Variants in RYR1 observed in about 807,000 individuals in gnomAD.
RYR1 encodes central core disease of muscle.
In RYR1, 342 loss-of-function variants were observed where a neutral mutation model predicts 583.5. The observed-to-expected ratio is 0.59, with a 90% CI of 0.54 to 0.64. The LOEUF is 0.64. RYR1 is among the 30% of genes least tolerant of loss of function. The probability of loss-of-function intolerance (pLI) is 0.00; values close to 1 mark genes in which losing one functional copy is unlikely to be tolerated. For missense variants in RYR1, 6,032 were observed against 6,917.2 expected (o/e 0.87, Z 4.54); for synonymous variants, 2,791 against 2,822.5 (o/e 0.99, Z 0.35).
At chr19:38,498,311 G>A (rs538398203) in intron 42 of RYR1, among the ~76,000 whole-genome samples, 1 of 152,238 alleles carries the variant, frequency 6.6e-6, no homozygotes, top group South Asian at 2.1e-4. Flanking sequence ...GGTGTTCACA[G>A]GGTCCCTCTG....
At chr19:38,433,959 C>T (rs925116900) in intron 1 of RYR1, 85 bp downstream of exon 1, 7 of 1,232,122 alleles carry the variant, frequency 5.7e-6, no homozygotes, top group African/African-American at 1.5e-5. Flanking sequence ...CCCTGTCCGG[C>T]TTGCTGGTGG....
chr19:38,534,891 TC>T (rs1020849070), intron 79 of RYR1, 72 bp downstream of exon 79: 1 of 1,505,232 alleles, frequency 6.6e-7, no homozygotes, highest in Admixed American at 1.9e-5. Context: ...GCTCGCCCAT[TC>T]CCTGTGGACC....
At chr19:38,506,575 A>AC in intron 56 of RYR1, 29 bp downstream of exon 56, 1 of 1,609,764 alleles carries the variant, frequency 6.2e-7, no homozygotes, top group African/African-American at 1.3e-5. Context: ...CCCCCACGCT[A>AC]CCCCCGTGGA....
chr19:38,582,253 T>C (rs1444956861), intron 101 of RYR1, among the ~76,000 whole-genome samples: 1 of 151,790 alleles, frequency 6.6e-6, no homozygotes, highest in Non-Finnish European at 1.5e-5. Context: ...CAAAATTAGC[T>C]GGGCATGGTG....
In RYR1 at chr19:38,496,141, G is replaced by A. The variant is rs1403282007; in HGVS notation, c.6549-74G>A. On this transcript the variant is annotated intron_variant, in intron 39 of 105. Transcript: ENST00000359596. The surrounding 1 kb of genome is among the most constrained non-coding windows in gnomAD (Gnocchi z 4.8). ...GAGTGAGAGGGTCAAGAATGCCAAC[G>A]CTGTCACAGTGGTGGCTATGGCCCT... 1.7e-6 allele frequency: 2 copies of A among 1,203,328 alleles called. No individual in the cohort carries two copies. Among genetic ancestry groups the A allele is most frequent in the African/African-American group, 1.5e-5 (1 of 67,016 alleles). The allele number at this position is 1,203,328 out of a possible 1,614,324, so 74.5% of individuals were successfully genotyped here. A position where few individuals can be genotyped will look rare whatever the true frequency, so the allele number is the denominator to read the frequency against.
At chr19:38,482,996 T>G in intron 31 of RYR1, 31 bp from the exon 32 acceptor site, 1 of 1,595,100 alleles carries the variant, frequency 6.3e-7, no homozygotes, top group Non-Finnish European at 8.6e-7. Flanking sequence ...GCCCACCCGT[T>G]TGCTCACCTC....
At position 38,517,651 on chromosome 19, in the gene RYR1, C is replaced by G; in HGVS notation, c.9978C>G (p.Asn3326Lys). The change falls in exon 66 of 106, where the codon AAC (asparagine) becomes AAG (lysine). Residue 3326 changes from asparagine to lysine, a missense_variant. Transcript: ENST00000359596. ...LGNILRIIVN[N>K]LGIDEASWMK... ...ATATCCTGAGAATCATCGTCAACAA[C>G]CTGGGCATTGACGAGGCCTCCTGGA... The G allele has an allele frequency of 6.2e-7, 1 of 1,614,216 alleles. No homozygotes were observed. Among genetic ancestry groups the G allele is most frequent in the Non-Finnish European group, 8.5e-7 (1 of 1,180,042 alleles).
At position 38,553,006 on chromosome 19, in the gene RYR1, T is replaced by C. The variant is rs78487222; in HGVS notation, c.12282+4586T>C. ...AACTGGGAAAAGTGTATTCATTTTA[T>C]TTTTTGAATATATAATTACTCACGA... On this transcript the variant is annotated intron_variant, in intron 89 of 105. Transcript: ENST00000359596. 7.7e-3 allele frequency among the ~76,000 whole-genome samples: 1,167 copies of C among 152,310 alleles called. 29 individuals are homozygous for C. Among genetic ancestry groups the C allele is most frequent in the East Asian group, 0.067 (347 of 5,190 alleles).
At chr19:38,531,760 G>A (rs1971748965) in intron 76 of RYR1, among the ~76,000 whole-genome samples, 2 of 152,012 alleles carry the variant, frequency 1.3e-5, no homozygotes, top group Admixed American at 1.3e-4. Context: ...GGAAAAATTA[G>A]CCAGGTGTGT....
chr19:38,485,952 G>A lies in RYR1; in HGVS notation c.5297G>A (p.Gly1766Glu). 6.2e-7 allele frequency: 1 copy of A among 1,613,692 alleles called. No individual in the cohort carries two copies. ...GHPRHGLPGV[G>E]VTTSLRPPHH... Reference sequence around the variant, plus strand: ...CCCCGGCATGGCCTGCCGGGAGTTGGAGTCACCACTTCGCTGAGGCCCCCG... The same window carrying A: ...CCCCGGCATGGCCTGCCGGGAGTTGAAGTCACCACTTCGCTGAGGCCCCCG... The change falls in exon 34 of 106, where the codon GGA becomes GAA. Residue 1766 changes from glycine to glutamate, a missense_variant. Coordinates refer to ENST00000359596, the MANE Select transcript of RYR1 (RefSeq NM_000540.3).
chr19:38,444,689 A>C lies in RYR1; in HGVS notation c.631+12A>C. ...CCGCTGCGAAGAGGGTGAGGGCCCC[A>C]GACCTCCCCCTAAATGGAGATCCCC... On this transcript the variant is annotated intron_variant, in intron 7 of 105. Transcript: ENST00000359596. This position sits in a 1 kb window ranked among gnomAD's most constrained non-coding sequence, Gnocchi z 5.1. The C allele has an allele frequency of 6.3e-7, 1 of 1,597,682 alleles. No homozygotes were observed. The highest frequency in any genetic ancestry group is 2.3e-5 in the East Asian group (1 of 44,422).
At chr19:38,571,910 A>G (rs1973731007) in intron 94 of RYR1, 109 bp from the exon 95 acceptor site, 3 of 1,516,902 alleles carry the variant, frequency 2.0e-6, no homozygotes, top group Admixed American at 1.7e-5. Context: ...CAGCCACACC[A>G]AGACTGTATC....
chr19:38,477,656 G>T (rs201208061), intron 29 of RYR1, 54 bp from the exon 30 acceptor site: 16 of 1,612,860 alleles, frequency 9.9e-6, no homozygotes, highest in Non-Finnish European at 1.4e-5. Context: ...GTCCCAGGGA[G>T]CCCGAGTCCC....
chr19:38,512,123 T>G lies in RYR1; in HGVS notation c.9224T>G (p.Leu3075Arg). 1 of 1,614,164 alleles carries G rather than the reference T, an allele frequency of 6.2e-7. No homozygotes were observed. The highest frequency in any genetic ancestry group is 1.1e-5 in the South Asian group (1 of 91,078). The change falls in exon 62 of 106, where the codon CTG (leucine) becomes CGG (arginine). Residue 3075 changes from leucine (L) to arginine (R), a missense_variant. Physicochemically the swap from Leu to Arg is moderately radical, Grantham distance 102 (BLOSUM62 -2). This residue lies in a region of RYR1 where 1,493 missense variants were observed against 1,715.5 expected (regional missense o/e 0.87). Coordinates refer to ENST00000359596, the MANE Select transcript of RYR1 (RefSeq NM_000540.3). This position sits in a 1 kb window ranked among gnomAD's most constrained non-coding sequence, Gnocchi z 5.1. ...VNCLHILARS[L>R]DARTVMKSGP... ...TGTCTTCACATCCTGGCCCGCTCCC[T>G]GGATGCCAGGTAGGGCCATAGGCAG...
At position 38,570,572 on chromosome 19, in the gene RYR1, G is replaced by A. The variant is rs886038320; in HGVS notation, c.13660-35G>A. On this transcript the variant is annotated intron_variant, in intron 93 of 105. Coordinates refer to ENST00000359596, the MANE Select transcript of RYR1 (RefSeq NM_000540.3). Reference sequence around the variant, plus strand: ...AATTCTCCAGGGAAGAGGCTGATCTGTGAGCGCTTTCTCTCTTTTTCTCTT... The same window carrying A: ...AATTCTCCAGGGAAGAGGCTGATCTATGAGCGCTTTCTCTCTTTTTCTCTT... The A allele has an allele frequency of 2.3e-5, 35 of 1,538,442 alleles. No homozygotes were observed. The highest frequency in any genetic ancestry group is 3.1e-5 in the Non-Finnish European group (35 of 1,111,418).
At position 38,492,360 on chromosome 19, in the gene RYR1, C is replaced by CAA. The variant is rs60482983; in HGVS notation, c.6128-114_6128-113dup. 15,412 of 720,120 alleles carry CAA rather than the reference C, an allele frequency of 0.021. 707 individuals carry two copies. Among genetic ancestry groups the CAA allele is most frequent in the African/African-American group, 0.21 (8,202 of 39,382 alleles). The allele number at this position is 720,120 out of a possible 1,614,324, so 44.6% of individuals were successfully genotyped here. ...ACTGCAACAGAACAAGACACTGTCTCAAAAAAAAAAAAAAAAAGGAAATGA... is the reference window on the plus strand; with the variant it reads ...ACTGCAACAGAACAAGACACTGTCTCAAAAAAAAAAAAAAAAAAAGGAAATGA... On this transcript the variant is annotated intron_variant, in intron 37 of 105. Transcript: ENST00000359596.
rs114554786 is a variant in RYR1 at position 38,556,510 on chromosome 19, C to T, written c.12283-4603C>T. ...AAAAAAAAAGTAAAATGAAACACTA[C>T]ACATAATCTAGTACACTCAGGATAT... On this transcript the variant is annotated intron_variant, in intron 89 of 105. Coordinates refer to ENST00000359596, the MANE Select transcript of RYR1 (RefSeq NM_000540.3). Among the ~76,000 whole-genome samples, 681 of 151,646 alleles carry T rather than the reference C, an allele frequency of 4.5e-3. 3 individuals are homozygous for T. Among genetic ancestry groups the T allele is most frequent in the African/African-American group, 0.016 (642 of 41,326 alleles).
chr19:38,565,610 G>A lies in RYR1; in HGVS notation c.13276G>A (p.Val4426Met). Reference protein sequence around the residue: ...AEGAGDEEEAVHEAGPGGADG... With the variant: ...AEGAGDEEEAMHEAGPGGADG... ...GGGCGCTGGAGACGAGGAGGAGGCG[G>A]TGCACGAGGCCGGGCCGGGCGGTGC... The change falls in exon 91 of 106, where the codon GTG becomes ATG. Residue 4426 changes from valine (V) to methionine (M), a missense_variant. Around this residue, in one of 11 missense-constraint regions of RYR1, gnomAD observed 753 missense variants for 759.6 expected, o/e 0.99. Transcript: ENST00000359596. This position sits in a 1 kb window ranked among gnomAD's most constrained non-coding sequence, Gnocchi z 4.7. 1 of 1,439,882 alleles carries A rather than the reference G, an allele frequency of 6.9e-7. No homozygotes were observed. The highest frequency in any genetic ancestry group is 2.7e-5 in the Admixed American group (1 of 36,686). 89.2% of individuals were successfully genotyped at this position (1,439,882 alleles called of 1,614,324 possible).
At position 38,479,585 on chromosome 19, in the gene RYR1, G is replaced by A. The variant is rs545226302; in HGVS notation, c.4620+985G>A. Among the ~76,000 whole-genome samples the A allele has an allele frequency of 6.3e-4, 96 of 152,036 alleles. 1 individual carries two copies. The highest frequency in any genetic ancestry group is 2.1e-3 in the African/African-American group (87 of 41,472). On this transcript the variant is annotated intron_variant, in intron 31 of 105. Coordinates refer to ENST00000359596, the MANE Select transcript of RYR1 (RefSeq NM_000540.3). ...ACCTTGACTAGCTGATTTTTTGTGTGTATTGTTTGTAGAGATGGGTTTTCC... is the reference window on the plus strand; with the variant it reads ...ACCTTGACTAGCTGATTTTTTGTGTATATTGTTTGTAGAGATGGGTTTTCC...
Sources: allele counts gnomAD v4.1 joint callset (sites outside exome capture counted in the v4.1 genomes callset), GRCh38; gene constraint gnomAD v4.1.1; regional missense constraint gnomAD v4.1.1; non-coding constraint Gnocchi (gnomAD v3.1); transcripts MANE v1.5; gene names NCBI Gene and HGNC (gene_info 2026-07-23, HGNC 2026-07-21).